SH3D19: variants seen among roughly 807,000 people sequenced by gnomAD.
The protein encoded by SH3D19 is SH3 domain containing 19.
A neutral mutation model predicts 112.1 loss-of-function variants in SH3D19; 58 were observed. The observed-to-expected ratio is 0.52, with a 90% confidence interval of 0.42 to 0.64. SH3D19 has a LOEUF of 0.64. SH3D19 is among the 30% of genes least tolerant of loss of function. SH3D19 has a pLI of 0.00. For synonymous variants in SH3D19, 391 were observed against 448.5 expected (o/e 0.87, Z 1.62); for missense variants, 1,090 against 1,263.4 (o/e 0.86, Z 2.08).
intron 2 of SH3D19, among the ~76,000 whole-genome samples, chr4:151,220,191 T>C (rs1196056674): frequency 1.3e-5 from 2 of 152,244 alleles, no homozygotes; most frequent in Non-Finnish European, 2.9e-5. Context: ...CCTCTCCTCT[T>C]TGATCTTCAA....
intron 1 of SH3D19, among the ~76,000 whole-genome samples, chr4:151,268,656 G>C (rs866325533): frequency 1.5e-5 from 2 of 133,304 alleles, no homozygotes; most frequent in South Asian, 2.5e-4. Context: ...TGTTCTCATT[G>C]TTCAATTCCC....
intron 1 of SH3D19, among the ~76,000 whole-genome samples, chr4:151,290,329 T>C (rs1235556267): frequency 6.6e-6 from 1 of 152,132 alleles, no homozygotes; most frequent in Non-Finnish European, 1.5e-5. Flanking sequence ...AAACACCAAG[T>C]GGTACATCCA....
chr4:151,127,868 C>T (rs1030020316), intron 18 of SH3D19, among the ~76,000 whole-genome samples, 153 bp from the exon 19 acceptor site: 8 of 152,196 alleles, frequency 5.3e-5, no homozygotes, highest in African/African-American at 1.9e-4. Context: ...TTTTTAAAAA[C>T]ATGTTCAATT....
intron 12 of SH3D19, among the ~76,000 whole-genome samples, chr4:151,142,447 T>C (rs530324083): frequency 6.6e-6 from 1 of 152,190 alleles, no homozygotes; most frequent in Non-Finnish European, 1.5e-5. Flanking sequence ...GATTTATCTA[T>C]TCTGGACTTT....
chr4:151,160,357 G>C (rs934628090), intron 8 of SH3D19, among the ~76,000 whole-genome samples: 4 of 152,192 alleles, frequency 2.6e-5, no homozygotes, highest in African/African-American at 9.6e-5. Flanking sequence ...AAAGTGCTGG[G>C]ATTACAGGCG....
intron 2 of SH3D19, among the ~76,000 whole-genome samples, chr4:151,192,222 C>A (rs1580072156): frequency 6.6e-6 from 1 of 152,332 alleles, no homozygotes; most frequent in East Asian, 1.9e-4. Context: ...CAGGCGTGAG[C>A]CACCGCGCCC....
intron 1 of SH3D19, chr4:151,266,229 G>A: frequency 6.6e-6 from 1 of 152,198 alleles, no homozygotes; most frequent in Non-Finnish European, 1.5e-5. Flanking sequence ...TAAGACGGAG[G>A]ATAGTCAGCA....
intron 1 of SH3D19, among the ~76,000 whole-genome samples, chr4:151,285,692 C>T (rs1240572339): frequency 6.6e-6 from 1 of 151,986 alleles, no homozygotes; most frequent in Non-Finnish European, 1.5e-5. Flanking sequence ...CATAGTGAGA[C>T]CTTGTCTCTA....
intron 2 of SH3D19, among the ~76,000 whole-genome samples, chr4:151,194,129 G>A (rs1001545046): frequency 4.1e-5 from 6 of 146,702 alleles, no homozygotes; most frequent in Middle Eastern, 3.5e-3. Flanking sequence ...GGGTTTTAGC[G>A]ATACTCCTGC....
intron 1 of SH3D19, chr4:151,279,880 A>G: frequency 6.7e-7 from 1 of 1,491,828 alleles, no homozygotes; most frequent in Non-Finnish European, 9.4e-7. Flanking sequence ...GTCAGCCTAC[A>G]CTTTGACCAC....
At chr4:151,304,972 A>G (rs1453683188) in intron 1 of SH3D19, among the ~76,000 whole-genome samples, 2 of 152,208 alleles carry the variant, frequency 1.3e-5, no homozygotes, top group African/African-American at 2.4e-5. Context: ...AACAAAACAA[A>G]ACAAAACAAA....
At chr4:151,323,670 T>A (rs1228510051) in intron 1 of SH3D19, among the ~76,000 whole-genome samples, 1 of 152,216 alleles carries the variant, frequency 6.6e-6, no homozygotes, top group Non-Finnish European at 1.5e-5. Context: ...CACAATGTCA[T>A]GTCTCAGCAA....
intron 11 of SH3D19, 65 bp from the exon 12 acceptor site, chr4:151,144,115 A>G: frequency 6.3e-7 from 1 of 1,588,212 alleles, no homozygotes; most frequent in Non-Finnish European, 8.6e-7. Flanking sequence ...ACTTTTTCAC[A>G]TTTTAATCTT....
chr4:151,258,189 C>A (rs551786755), intron 1 of SH3D19, among the ~76,000 whole-genome samples: 94 of 152,294 alleles, frequency 6.2e-4, no homozygotes, highest in African/African-American at 2.1e-3. Context: ...ACACAATATC[C>A]TTAACACAAC....
At chr4:151,303,972 C>T (rs1311865024) in intron 1 of SH3D19, among the ~76,000 whole-genome samples, 1 of 151,040 alleles carries the variant, frequency 6.6e-6, no homozygotes, top group African/African-American at 2.4e-5. Flanking sequence ...GGCTGGTTTA[C>T]TCATAAAAGC....
Position 151,122,170 on chromosome 4 carries a change from T to C in SH3D19, c.3065A>G (p.Asp1022Gly), listed in dbSNP as rs781225050. The C allele has an allele frequency of 3.7e-6, 6 of 1,610,242 alleles. No homozygotes were observed. The South Asian group carries it at 4.4e-5, about 12-fold the overall frequency. ...DIITELESVD[D>G]DWMSGELMGK... Reference sequence around the variant, plus strand: ...CATAAGTTCTCCACTCATCCAGTCATCATCTACAGATTCCAGCTCTGTTAT... The same window carrying C: ...CATAAGTTCTCCACTCATCCAGTCACCATCTACAGATTCCAGCTCTGTTAT... Residue 1022 changes from aspartate to glycine, a missense_variant, in exon 20 of 20, where the codon GAT becomes GGT. Transcript: ENST00000604030.
rs138536734 is a variant in SH3D19, at chr4:151,233,748, G to A, written c.113-7662C>T. The stretch of plus-strand genomic sequence containing the variant: ...GGGGGATAGCATCATTCTGCCTAAC[G>A]CACCCTATCTGAACTCTCAGACTAT... On this transcript the variant is annotated intron_variant, in intron 1 of 19. Coordinates refer to ENST00000604030, the MANE Select transcript of SH3D19 (RefSeq NM_001378122.1). Among the ~76,000 whole-genome samples, 533 of 152,238 alleles carry A rather than the reference G, an allele frequency of 3.5e-3. 3 individuals carry two copies. The highest frequency in any genetic ancestry group is 0.012 in the African/African-American group (488 of 41,564).
intron 2 of SH3D19, among the ~76,000 whole-genome samples, chr4:151,225,744 G>C (rs916534643): frequency 1.3e-5 from 2 of 152,026 alleles, no homozygotes; most frequent in African/African-American, 4.8e-5. Context: ...CAAAAATACT[G>C]GTTAAAGGGA....
At chr4:151,278,525 G>A (rs1432383440) in intron 1 of SH3D19, among the ~76,000 whole-genome samples, 1 of 152,092 alleles carries the variant, frequency 6.6e-6, no homozygotes, top group Non-Finnish European at 1.5e-5. Flanking sequence ...TATAGCACCT[G>A]TCTCCAACAT....
Sources: gnomAD v4.1 joint callset for allele counts (sites outside exome capture counted in the v4.1 genomes callset) on GRCh38, gnomAD v4.1.1 for gene constraint, MANE v1.5 for transcripts, NCBI Gene and HGNC (gene_info 2026-07-23, HGNC 2026-07-21) for gene names.